ROBO1: variants seen among roughly 807,000 people sequenced by gnomAD.
ROBO1 encodes roundabout homolog 1.
Under a neutral mutation model 195.9 loss-of-function variants are expected in ROBO1, and 149 were observed. That is an observed-to-expected ratio of 0.76 (90% confidence interval 0.67 to 0.87). The LOEUF is 0.87. ROBO1 is among the 40% of genes least tolerant of loss of function. The pLI, the probability that ROBO1 is intolerant of heterozygous loss-of-function variation, is 0.00. For missense variants in ROBO1, 1,933 were observed against 2,068.3 expected (o/e 0.93, Z 1.27); for synonymous variants, 816 against 733.2 (o/e 1.11, Z -1.82).
At chr3:79,033,835 C>CT in intron 3 of ROBO1, among the ~76,000 whole-genome samples, 1 of 152,214 alleles carries the variant, frequency 6.6e-6, no homozygotes, top group African/African-American at 2.4e-5. Context: ...TCTCAAAGTG[C>CT]TTTTTCTGGA....
intron 3 of ROBO1, among the ~76,000 whole-genome samples, chr3:79,102,969 C>T (rs560508328): frequency 5.9e-5 from 9 of 151,312 alleles, no homozygotes; most frequent in South Asian, 4.2e-4. Flanking sequence ...ATGTATTTGA[C>T]GATAAAATAA....
At chr3:79,311,611 G>C (rs565793775) in intron 2 of ROBO1, among the ~76,000 whole-genome samples, 2 of 152,236 alleles carry the variant, frequency 1.3e-5, no homozygotes, top group East Asian at 3.9e-4. Context: ...GTAGCTGGTT[G>C]AGGAAGACAA....
intron 1 of ROBO1, among the ~76,000 whole-genome samples, chr3:79,627,162 T>C (rs969950579): frequency 2.0e-5 from 3 of 152,158 alleles, no homozygotes; most frequent in Admixed American, 6.6e-5. Flanking sequence ...TCAAATTTCA[T>C]ATGTAATCGA....
chr3:79,110,833 G>A (rs1278070697), intron 3 of ROBO1, among the ~76,000 whole-genome samples: 1 of 151,808 alleles, frequency 6.6e-6, no homozygotes, highest in Non-Finnish European at 1.5e-5. Flanking sequence ...TGCCCAAGCT[G>A]TGCTTAAACT....
At chr3:78,985,214 C>A (rs577606449) in intron 3 of ROBO1, among the ~76,000 whole-genome samples, 1 of 151,948 alleles carries the variant, frequency 6.6e-6, no homozygotes, top group Non-Finnish European at 1.5e-5. Flanking sequence ...GTGGGAGGAT[C>A]GCTTGAGCCC....
rs368434090 is a variant in ROBO1 at position 79,766,599 on chromosome 3, G to C, written c.-51+1153C>G. Among the ~76,000 whole-genome samples, 1,479 of 152,070 alleles carry C rather than the reference G, an allele frequency of 9.7e-3. 18 individuals are homozygous for C. Among genetic ancestry groups the C allele is most frequent in the African/African-American group, 0.031 (1,281 of 41,522 alleles). Reference sequence around the variant, plus strand: ...TGCCCCGGGTGGAGCGGCAGCCCAGGCTGCAGCAGTGGGGTTGCCACGCCG... The same window carrying C: ...TGCCCCGGGTGGAGCGGCAGCCCAGCCTGCAGCAGTGGGGTTGCCACGCCG... On this transcript the variant is annotated intron_variant, in intron 1 of 30. Transcript: ENST00000464233.
At chr3:79,102,615 G>A (rs2079698587) in intron 3 of ROBO1, among the ~76,000 whole-genome samples, 1 of 151,762 alleles carries the variant, frequency 6.6e-6, no homozygotes, top group Non-Finnish European at 1.5e-5. Context: ...GTTATAAGTT[G>A]TGGCCATGGT....
intron 4 of ROBO1, among the ~76,000 whole-genome samples, chr3:78,871,469 G>T (rs2035539736): frequency 6.6e-6 from 1 of 151,912 alleles, no homozygotes; most frequent in Non-Finnish European, 1.5e-5. Flanking sequence ...ATTTCCTACG[G>T]CATCAGTTGA....
rs772595826 is a variant in ROBO1 at position 78,668,563 on chromosome 3, C to T, written c.1551G>A (p.Leu517=). The T allele has an allele frequency of 1.9e-6, 3 of 1,613,142 alleles. No homozygotes were observed. The highest frequency in any genetic ancestry group is 1.3e-5 in the African/African-American group (1 of 74,888). Residue 517 remains leucine (L), a splice_region_variant and synonymous_variant, in exon 12 of 31, where the codon CTG becomes CTA. Transcript: ENST00000464233. ...TGCAGGTGTACCGACCAGTATCACCCAGCTGAGAAGGCAGACAAAAAATAA... is the reference window on the plus strand; with the variant it reads ...TGCAGGTGTACCGACCAGTATCACCTAGCTGAGAAGGCAGACAAAAAATAA... ...NGVLQIRYAK[L]GDTGRYTCIA...
intron 3 of ROBO1, among the ~76,000 whole-genome samples, chr3:79,078,228 C>T (rs2079209732): frequency 6.6e-6 from 1 of 151,790 alleles, no homozygotes; most frequent in Non-Finnish European, 1.5e-5. Context: ...ACATTAATTT[C>T]TCAACTTAAA....
intron 3 of ROBO1, among the ~76,000 whole-genome samples, chr3:79,094,166 G>T (rs2079525723): frequency 6.6e-6 from 1 of 152,046 alleles, no homozygotes; most frequent in South Asian, 2.1e-4. Flanking sequence ...AAACAATCCT[G>T]TTATAAGCTA....
intron 1 of ROBO1, among the ~76,000 whole-genome samples, chr3:79,653,540 A>G (rs1946074911): frequency 1.3e-5 from 2 of 152,044 alleles, no homozygotes; most frequent in Non-Finnish European, 2.9e-5. Context: ...AACCATATGA[A>G]AGAAATATTT....
intron 2 of ROBO1, among the ~76,000 whole-genome samples, chr3:79,415,200 G>A (rs754742196): frequency 2.0e-4 from 31 of 152,078 alleles, no homozygotes; most frequent in Non-Finnish European, 3.7e-4. Flanking sequence ...TCTTTACACC[G>A]TATTTTGTAG....
At chr3:78,892,373 G>A (rs990497305) in intron 4 of ROBO1, among the ~76,000 whole-genome samples, 1 of 152,092 alleles carries the variant, frequency 6.6e-6, no homozygotes, top group Non-Finnish European at 1.5e-5. Context: ...GGGGACCTCC[G>A]GGTTAGAGCA....
intron 1 of ROBO1, among the ~76,000 whole-genome samples, chr3:79,751,691 G>T (rs969681491): frequency 6.6e-6 from 1 of 152,084 alleles, no homozygotes; most frequent in Non-Finnish European, 1.5e-5. Context: ...AATGTATCTT[G>T]CAATTTTTAT....
At chr3:78,691,391 A>AG (rs2081171481) in intron 8 of ROBO1, among the ~76,000 whole-genome samples, 1 of 152,170 alleles carries the variant, frequency 6.6e-6, no homozygotes, top group Non-Finnish European at 1.5e-5. Flanking sequence ...GACAAAGGGA[A>AG]GAAAAGAAAA....
intron 2 of ROBO1, among the ~76,000 whole-genome samples, chr3:79,349,414 T>C (rs1212146476): frequency 1.3e-5 from 2 of 152,208 alleles, no homozygotes; most frequent in Non-Finnish European, 2.9e-5. Flanking sequence ...ACCCAATCCC[T>C]ATCAGAATAT....
At chr3:79,643,053 C>T (rs1474844625) in intron 1 of ROBO1, among the ~76,000 whole-genome samples, 1 of 151,974 alleles carries the variant, frequency 6.6e-6, no homozygotes, top group East Asian at 1.9e-4. Context: ...TCTACCCTCA[C>T]TATGTGGGCA....
intron 2 of ROBO1, among the ~76,000 whole-genome samples, chr3:79,194,442 T>A (rs555072777): frequency 5.3e-5 from 8 of 151,720 alleles, no homozygotes; most frequent in African/African-American, 1.4e-4. Context: ...TTATACGACG[T>A]CACTTTTTAA....
Sources: gnomAD v4.1 joint callset for allele counts (sites outside exome capture counted in the v4.1 genomes callset) on GRCh38, gnomAD v4.1.1 for gene constraint, MANE v1.5 for transcripts, NCBI Gene and HGNC (gene_info 2026-07-23, HGNC 2026-07-21) for gene names.